GPS1: variants seen among roughly 807,000 people sequenced by gnomAD.
GPS1 encodes the protein G protein pathway suppressor 1, also known as COP9 signalosome complex subunit 1.
A neutral mutation model predicts 60.0 loss-of-function variants in GPS1; 11 were observed. The ratio of observed to expected loss-of-function variants is 0.18; its 90% confidence interval spans 0.12 to 0.30. The LOEUF is 0.30. GPS1 is among the 10% of genes least tolerant of loss of function. The pLI, the probability that GPS1 is intolerant of heterozygous loss-of-function variation, is 1.00. For missense variants in GPS1, 543 were observed against 669.2 expected, an observed-to-expected ratio of 0.81 and a Z score of 2.08; for synonymous variants, 343 against 269.8, an observed-to-expected ratio of 1.27 and a Z score of -2.66.
In GPS1 at chr17:82,054,524, C is replaced by T; in HGVS notation, c.323C>T (p.Ala108Val). 1 of 1,543,246 alleles carries T rather than the reference C, an allele frequency of 6.5e-7. No individual in the cohort carries two copies. Among genetic ancestry groups the T allele is most frequent in the Non-Finnish European group, 8.7e-7 (1 of 1,146,436 alleles). ...LSEATRELQN[A>V]PDAIPESGVE... ...TCCTCTCTCAGGGAGCTGCAGAACG[C>T]ACCCGACGCCATCCCTGAGAGCGGC... Residue 108 changes from alanine to valine, a missense_variant, in exon 4 of 13, where the codon GCA becomes GTA. Physicochemically the swap from Ala to Val is moderately conservative, Grantham distance 64. Coordinates refer to ENST00000578552, the MANE Select transcript of GPS1 (RefSeq NM_001321092.3).
Position 82,055,202 on chromosome 17 carries a change from C to T in GPS1, c.728C>T (p.Thr243Ile). 5 of 1,558,642 alleles carry T rather than the reference C, an allele frequency of 3.2e-6. No homozygotes were observed. Among genetic ancestry groups the T allele is most frequent in the Non-Finnish European group, 4.3e-6 (5 of 1,151,496 alleles). ...ERDSQTQAIL[T>I]KLKCAAGLAE... ...GACAGCCAGACCCAGGCCATCCTCA[C>T]CAAGCTCAAGTGTGCCGCAGGTGAG... Residue 243 changes from threonine (T) to isoleucine (I), a missense_variant, in exon 6 of 13, where the codon ACC becomes ATC. Transcript: ENST00000578552.
upstream of GPS1, chr17:82,051,433 G>A (rs1223165992): frequency 5.1e-6 from 7 of 1,364,484 alleles, no homozygotes; most frequent in East Asian, 3.1e-5. The surrounding 1 kb of genome is among the most constrained non-coding windows in gnomAD (Gnocchi z 4.1). Flanking sequence ...GCCTGGGCCG[G>A]GCCTAGACCC....
upstream of GPS1, chr17:82,051,041 C>T (rs932636579): frequency 7.2e-7 from 1 of 1,389,268 alleles, no homozygotes; most frequent in Non-Finnish European, 9.3e-7. The surrounding 1 kb of genome is among the most constrained non-coding windows in gnomAD (Gnocchi z 4.1). Flanking sequence ...TCCCTGCTGG[C>T]GCTTCTTCAG....
chr17:82,052,069 G>C, intron 1 of GPS1, 105 bp downstream of exon 1: 1 of 934,544 alleles, frequency 1.1e-6, no homozygotes, highest in Non-Finnish European at 1.3e-6. Flanking sequence ...GGAGTCGGTC[G>C]GGCACGCTCC....
chr17:82,051,935 C>T lies in GPS1; in HGVS notation c.4C>T (p.Pro2Ser). Residue 2 changes from proline to serine, a missense_variant, in exon 1 of 13, where the codon CCG (proline) becomes TCG (serine). By Grantham distance (74) the Pro-to-Ser change is moderately conservative. Around this residue, in one of 3 missense-constraint regions of GPS1, gnomAD observed 181 missense variants for 188.8 expected, o/e 0.96. Transcript: ENST00000578552. The surrounding 1 kb of genome is among the most constrained non-coding windows in gnomAD (Gnocchi z 4.1). ...GCCGCGGCGGGGTGGGTGCAAGATG[C>T]CGCTGCCGGTTCAGGTGTTTAACTT... M[P>S]LPVQVFNLQG... 4 of 1,165,214 alleles carry T rather than the reference C, an allele frequency of 3.4e-6. No homozygotes were observed. The highest frequency in any genetic ancestry group is 4.0e-5 in the South Asian group (1 of 25,162). The allele number at this position is 1,165,214 out of a possible 1,614,324, so 72.2% of individuals were successfully genotyped here. A position where few individuals can be genotyped will look rare whatever the true frequency, so the allele number is the denominator to read the frequency against.
At chr17:82,056,428 T>TGCCTGGCC in intron 9 of GPS1, 37 bp downstream of exon 9, 1 of 1,612,608 alleles carries the variant, frequency 6.2e-7, no homozygotes, top group Non-Finnish European at 8.5e-7. Context: ...GGTGGGGCCC[T>TGCCTGGCC]GCCTGGCCTC....
chr17:82,054,327 G>T, intron 3 of GPS1, 183 bp from the exon 4 acceptor site: 1 of 890,728 alleles, frequency 1.1e-6, no homozygotes, highest in Non-Finnish European at 1.6e-6. Context: ...TAGGCTCCTG[G>T]GGCAGCAGTT....
chr17:82,053,813 G>A (rs761421679), intron 2 of GPS1, 55 bp from the exon 3 acceptor site: 24 of 1,539,972 alleles, frequency 1.6e-5, no homozygotes, highest in Non-Finnish European at 1.8e-5. Context: ...CTCAGGGCCT[G>A]GGGCCAGGGT....
At position 82,054,429 on chromosome 17, in the gene GPS1, G is replaced by A. The variant is rs2031993960; in HGVS notation, c.309-81G>A. The A allele has an allele frequency of 2.1e-6, 3 of 1,431,940 alleles. No individual in the cohort carries two copies. In the East Asian group the frequency reaches 7.5e-5, roughly 36 times the overall value. The allele number at this position is 1,431,940 out of a possible 1,614,324, so 88.7% of individuals were successfully genotyped here. A position where few individuals can be genotyped will look rare whatever the true frequency, so the allele number is the denominator to read the frequency against. On this transcript the variant is annotated intron_variant, in intron 3 of 12. Coordinates refer to ENST00000578552, the MANE Select transcript of GPS1 (RefSeq NM_001321092.3). ...CTGTGTGCCGGTTGGGCCTTTGAGG[G>A]CAGCCTGAGATTGGCGGCTTCCTCC...
intron 3 of GPS1, chr17:82,054,294 C>T: frequency 1.3e-6 from 1 of 773,464 alleles, no homozygotes; most frequent in Non-Finnish European, 2.0e-6. Flanking sequence ...GGCCGCCTCC[C>T]TGCTGGTTTC....
In GPS1 at chr17:82,055,770, A is replaced by G. The variant is rs1177042501; in HGVS notation, c.779A>G (p.Lys260Arg). 1.3e-6 allele frequency: 2 copies of G among 1,561,900 alleles called. No homozygotes were observed. Among genetic ancestry groups the G allele is most frequent in the Non-Finnish European group, 8.7e-7 (1 of 1,152,796 alleles). ...GCAGAGCTGGCCGCCAGGAAGTACA[A>G]GCAGGCTGCCAAGTGCCTCCTGCTG... Reference protein sequence around the residue: ...GLAELAARKYKQAAKCLLLAS... With the variant: ...GLAELAARKYRQAAKCLLLAS... The change falls in exon 7 of 13, where the codon AAG becomes AGG. Residue 260 changes from lysine to arginine, a missense_variant. Lys to Arg is a conservative substitution (Grantham distance 26). Around this residue, in one of 3 missense-constraint regions of GPS1, gnomAD observed 291 missense variants for 353.7 expected, o/e 0.82. Transcript: ENST00000578552.
At chr17:82,055,531 T>C (rs1389177814) in intron 6 of GPS1, 2 of 607,310 alleles carry the variant, frequency 3.3e-6, no homozygotes, top group Non-Finnish European at 5.8e-6. Flanking sequence ...CATGCCTGGC[T>C]TCAGGGAGCC....
intron 2 of GPS1, 148 bp from the exon 3 acceptor site, chr17:82,053,720 C>CA: frequency 1.3e-6 from 1 of 753,624 alleles, no homozygotes; most frequent in Non-Finnish European, 2.1e-6. Context: ...GGACAGCAGT[C>CA]AGTCTCGTAC....
At position 82,056,404 on chromosome 17, in the gene GPS1, T is replaced by C; in HGVS notation, c.1035+13T>C. 6.2e-7 allele frequency: 1 copy of C among 1,604,434 alleles called. No homozygotes were observed. Among genetic ancestry groups the C allele is most frequent in the Non-Finnish European group, 8.5e-7 (1 of 1,172,484 alleles). On this transcript the variant is annotated intron_variant, in intron 9 of 12. Transcript: ENST00000578552. ...GGACGAGATGAAGGTGGGCCCCGCC[T>C]GGGGTAGGGGTGAGGTGGGGCCCTG... is the stretch of plus-strand genomic sequence containing the variant.
Position 82,054,635 on chromosome 17 carries a change from T to C in GPS1, c.434T>C (p.Leu145Pro). ...AAGCTGGAGAAGCTGGACACAGACC[T>C]GAAGAACTACAAGGGCAACTCCATC... Reference protein sequence around the residue: ...LLKLEKLDTDLKNYKGNSIKE... With the variant: ...LLKLEKLDTDPKNYKGNSIKE... The change falls in exon 4 of 13, where the codon CTG becomes CCG. Residue 145 changes from leucine (L) to proline (P), a missense_variant. Coordinates refer to ENST00000578552, the MANE Select transcript of GPS1 (RefSeq NM_001321092.3). 6.2e-7 allele frequency: 1 copy of C among 1,610,084 alleles called. No homozygotes were observed. The highest frequency in any genetic ancestry group is 8.5e-7 in the Non-Finnish European group (1 of 1,179,584).
At chr17:82,056,213 G>C in intron 8 of GPS1, 73 bp from the exon 9 acceptor site, 3 of 1,367,472 alleles carry the variant, frequency 2.2e-6, no homozygotes, top group Non-Finnish European at 3.1e-6. Flanking sequence ...TTTGTCTGGG[G>C]ACTGGTGTCC....
upstream of GPS1, chr17:82,051,556 G>A: frequency 2.9e-6 from 4 of 1,395,922 alleles, no homozygotes; most frequent in East Asian, 3.2e-5. This position sits in a 1 kb window ranked among gnomAD's most constrained non-coding sequence, Gnocchi z 4.1. Flanking sequence ...CGCGGCCCGT[G>A]GTTCTTCCGG....
chr17:82,053,307 C>A lies in GPS1; in HGVS notation c.67C>A (p.Pro23Thr). 6.5e-7 allele frequency: 1 copy of A among 1,548,960 alleles called. No homozygotes were observed. The highest frequency in any genetic ancestry group is 1.2e-5 in the South Asian group (1 of 81,638). ...AVEPMQIDVD[P>T]QEDPQNAPDV... Reference sequence around the variant, plus strand: ...GGAGCCCATGCAGATCGACGTGGACCCCCAGGAAGACCCGCAGAATGCACC... The same window carrying A: ...GGAGCCCATGCAGATCGACGTGGACACCCAGGAAGACCCGCAGAATGCACC... Residue 23 changes from proline (P) to threonine (T), a missense_variant, in exon 2 of 13, where the codon CCC (proline) becomes ACC (threonine). By Grantham distance (38) the Pro-to-Thr change is conservative (BLOSUM62 -1). This residue lies in a region of GPS1 where 181 missense variants were observed against 188.8 expected (regional missense o/e 0.96). Coordinates refer to ENST00000578552, the MANE Select transcript of GPS1 (RefSeq NM_001321092.3).
Position 82,052,234 on chromosome 17 carries a change from C to T in GPS1, c.33+270C>T, listed in dbSNP as rs772647543. On this transcript the variant is annotated intron_variant, in intron 1 of 12. Coordinates refer to ENST00000578552, the MANE Select transcript of GPS1 (RefSeq NM_001321092.3). ...GGAGAGGTTCCCGGCCGCCCCGACG[C>T]TAACGCTCTTTCTCCCTTCAGCAGC... is the stretch of plus-strand genomic sequence containing the variant. The T allele has an allele frequency of 1.4e-5, 23 of 1,593,246 alleles. No homozygotes were observed. The Admixed American group carries it at 3.6e-4, about 25-fold the overall frequency.
Sources: gnomAD v4.1 joint callset for allele counts on GRCh38, gnomAD v4.1.1 for gene constraint, gnomAD v4.1.1 regional missense constraint, Gnocchi (gnomAD v3.1) non-coding constraint, MANE v1.5 for transcripts, NCBI Gene and HGNC (gene_info 2026-07-23, HGNC 2026-07-21) for gene names.